C3: variants seen among roughly 807,000 people sequenced by gnomAD.
The protein encoded by C3 is complement C3.
In C3, 97 loss-of-function variants were observed where a neutral mutation model predicts 207.9. That is an observed-to-expected ratio of 0.47 (90% CI 0.40 to 0.55). C3 has a LOEUF of 0.55. C3 is among the 20% of genes least tolerant of loss of function. The probability of loss-of-function intolerance (pLI) is 0.00; values close to 1 mark genes in which losing one functional copy is unlikely to be tolerated. For missense variants in C3, 1,684 were observed against 2,171.7 expected, an observed-to-expected ratio of 0.78 and a Z score of 4.46; for synonymous variants, 848 against 857.6, an observed-to-expected ratio of 0.99 and a Z score of 0.20.
chr19:6,693,509 C>T (rs1211446125), intron 24 of C3, 22 bp from the exon 25 acceptor site: 4 of 1,605,882 alleles, frequency 2.5e-6, no homozygotes, highest in Non-Finnish European at 3.4e-6. Context: ...AGAGAGGAAC[C>T]CCCAAAAGAG....
At chr19:6,715,965 TTCTGTGGATAGTGTAC>T (rs1304563034) in intron 4 of C3, among the ~76,000 whole-genome samples, 1 of 151,958 alleles carries the variant, frequency 6.6e-6, no homozygotes, top group Non-Finnish European at 1.5e-5. Flanking sequence ...ACAAGGAAAT[TTCTGTGGATAGTGTAC>T]TCTGGTTAGC....
At chr19:6,697,935 T>C in intron 19 of C3, 141 bp from the exon 20 acceptor site, 1 of 699,396 alleles carries the variant, frequency 1.4e-6, no homozygotes, top group South Asian at 1.7e-5. Context: ...AACTAAACGC[T>C]GTCAATGGCG....
chr19:6,695,227 G>A (rs561530564), intron 23 of C3, among the ~76,000 whole-genome samples: 143 of 148,828 alleles, frequency 9.6e-4, no homozygotes, highest in Non-Finnish European at 1.6e-3. Flanking sequence ...CCGAGATCAC[G>A]CCACTGCACT....
chr19:6,706,290 G>A (rs1325177914), intron 17 of C3, among the ~76,000 whole-genome samples: 1 of 152,164 alleles, frequency 6.6e-6, no homozygotes, highest in African/African-American at 2.4e-5. Flanking sequence ...TGATGGGTGG[G>A]GCTGGGATGA....
chr19:6,717,434 G>C (rs960403090), intron 4 of C3: 1 of 171,650 alleles, frequency 5.8e-6, no homozygotes, highest in Non-Finnish European at 1.2e-5. Context: ...GTGTGTGTGC[G>C]CGCCATATGG....
chr19:6,712,771 G>T (rs1473819854), intron 9 of C3, 148 bp from the exon 10 acceptor site: 1 of 733,962 alleles, frequency 1.4e-6, no homozygotes, highest in Non-Finnish European at 2.4e-6. Context: ...CATCAGACTG[G>T]ACTCCACCTT....
At chr19:6,684,687 C>T in intron 31 of C3, 37 bp from the exon 32 acceptor site, 3 of 1,601,904 alleles carry the variant, frequency 1.9e-6, no homozygotes, top group South Asian at 1.1e-5. Flanking sequence ...TGTCAGCCCA[C>T]AGGACTAGGA....
chr19:6,692,935 G>T lies in C3; in HGVS notation c.3379C>A (p.Gln1127Lys). ...TCCCAGCCTCTTACAATCATTTCTT[G>T]GTGTATCACGGGCGCATCCTCCTGG... ...VFQEDAPVIH[Q>K]EMIGGLRNNN... The change falls in exon 26 of 41, where the codon CAA (glutamine) becomes AAA (lysine). Residue 1127 changes from glutamine (Q) to lysine (K), a missense_variant. Physicochemically the swap from Gln to Lys is moderately conservative, Grantham distance 53. Coordinates refer to ENST00000245907, the MANE Select transcript of C3 (RefSeq NM_000064.4). 1.2e-6 allele frequency: 2 copies of T among 1,613,974 alleles called. No homozygotes were observed. Among genetic ancestry groups the T allele is most frequent in the Non-Finnish European group, 8.5e-7 (1 of 1,179,992 alleles).
chr19:6,707,547 A>C lies in C3; in HGVS notation c.1976-10T>G. 6.2e-7 allele frequency: 1 copy of C among 1,613,990 alleles called. No homozygotes were observed. The highest frequency in any genetic ancestry group is 8.5e-7 in the Non-Finnish European group (1 of 1,179,922). On this transcript the variant is annotated splice_polypyrimidine_tract_variant and intron_variant, in intron 15 of 40. Coordinates refer to ENST00000245907, the MANE Select transcript of C3 (RefSeq NM_000064.4). ...TGCGGGCACTGAAGTTCTGCAGGGC[A>C]GGCGGACCGAGAAGAAGATGGATGA...
In C3 at chr19:6,700,178, G is replaced by C. The variant is rs375678626; in HGVS notation, c.2440+1949C>G. On this transcript the variant is annotated intron_variant, in intron 19 of 40. Coordinates refer to ENST00000245907, the MANE Select transcript of C3 (RefSeq NM_000064.4). Reference sequence around the variant, plus strand: ...TTATAAATTATAATACATATTATATGTTTACATAATATATTACATGTGTAA... The same window carrying C: ...TTATAAATTATAATACATATTATATCTTTACATAATATATTACATGTGTAA... Among the ~76,000 whole-genome samples the C allele has an allele frequency of 2.2e-3, 296 of 136,948 alleles. 1 individual carries two copies. Among genetic ancestry groups the C allele is most frequent in the Non-Finnish European group, 3.7e-3 (243 of 66,088 alleles). The allele number at this position is 136,948 out of a possible 152,430, so 89.8% of individuals were successfully genotyped here.
At chr19:6,696,770 G>T in intron 21 of C3, 111 bp from the exon 22 acceptor site, 2 of 1,078,642 alleles carry the variant, frequency 1.9e-6, no homozygotes, top group South Asian at 2.5e-5. Flanking sequence ...TGCCGGGCGC[G>T]GTGGCTCGTG....
At position 6,711,215 on chromosome 19, in the gene C3, A is replaced by C; in HGVS notation, c.1270-19T>G. ...TGCGCACCTGGGTGGGGAAAGAGGG[A>C]TGCCTGCTGGTCGCCGCCCGAGGAT... On this transcript the variant is annotated intron_variant, in intron 11 of 40. Coordinates refer to ENST00000245907, the MANE Select transcript of C3 (RefSeq NM_000064.4). The C allele has an allele frequency of 1.2e-6, 2 of 1,606,176 alleles. No individual in the cohort carries two copies. The highest frequency in any genetic ancestry group is 1.7e-6 in the Non-Finnish European group (2 of 1,177,312).
chr19:6,697,072 A>AT lies in C3; in HGVS notation c.2796+271dup, dbSNP rs1473502581. On this transcript the variant is annotated intron_variant, in intron 21 of 40. Transcript: ENST00000245907. ...AATAAACAAACAAATAAATAAATAAATAAAAAATTTCAAATCGAGTATAAA... is the reference window on the plus strand; with the variant it reads ...AATAAACAAACAAATAAATAAATAAATTAAAAAATTTCAAATCGAGTATAAA... Among the ~76,000 whole-genome samples, 151 of 79,698 alleles carry AT rather than the reference A, an allele frequency of 1.9e-3. 11 individuals are homozygous for AT. The highest frequency in any genetic ancestry group is 8.5e-3 in the African/African-American group (145 of 17,066). The allele number at this position is 79,698 out of a possible 152,430, so 52.3% of individuals were successfully genotyped here.
In C3 at chr19:6,694,555, G is replaced by A; in HGVS notation, c.3030C>T (p.Cys1010=). ...LKHLIVTPSG[C]GEQNMIGMTP... is the part of the protein sequence containing the mutation. Reference sequence around the variant, plus strand: ...TCATGCCGATCATGTTCTGTTCCCCGCAGCCCGAGGGGGTCACAATGAGGT... The same window carrying A: ...TCATGCCGATCATGTTCTGTTCCCCACAGCCCGAGGGGGTCACAATGAGGT... The change falls in exon 24 of 41, where the codon TGC becomes TGT. Residue 1010 remains cysteine, a synonymous_variant. Transcript: ENST00000245907. The A allele has an allele frequency of 6.2e-7, 1 of 1,614,022 alleles. No homozygotes were observed. The highest frequency in any genetic ancestry group is 8.5e-7 in the Non-Finnish European group (1 of 1,179,964).
At chr19:6,701,027 G>C (rs758664775) in intron 19 of C3, among the ~76,000 whole-genome samples, 1 of 151,938 alleles carries the variant, frequency 6.6e-6, no homozygotes, top group Non-Finnish European at 1.5e-5. Context: ...GAAATGAGCA[G>C]GCAGGGGAGC....
chr19:6,712,427 G>T, intron 10 of C3, 21 bp from the exon 11 acceptor site: 2 of 1,614,172 alleles, frequency 1.2e-6, no homozygotes, highest in South Asian at 2.2e-5. Flanking sequence ...GGGTGCAGGT[G>T]GGGGAAGTTC....
chr19:6,718,618 G>A (rs941896279), intron 2 of C3, among the ~76,000 whole-genome samples: 3 of 151,686 alleles, frequency 2.0e-5, no homozygotes, highest in Non-Finnish European at 4.4e-5. Context: ...GAGCTCACAA[G>A]GAGGAGAGAG....
rs189122685 is a variant in C3 at position 6,684,123 on chromosome 19, T to C, written c.4172+265A>G. 1.2e-4 allele frequency: 60 copies of C among 520,682 alleles called. No individual in the cohort carries two copies. The Admixed American group carries it at 1.6e-3, about 14-fold the overall frequency. The allele number at this position is 520,682 out of a possible 1,614,324, so 32.3% of individuals were successfully genotyped here. A position where few individuals can be genotyped will look rare whatever the true frequency, so the allele number is the denominator to read the frequency against. Reference sequence around the variant, plus strand: ...CTCTAAAAAGAAAAAAAGAAAACTTTAAAGGTCATGGAATGATTGTGTACT... The same window carrying C: ...CTCTAAAAAGAAAAAAAGAAAACTTCAAAGGTCATGGAATGATTGTGTACT... On this transcript the variant is annotated intron_variant, in intron 33 of 40. Transcript: ENST00000245907.
chr19:6,713,512 A>G lies in C3; in HGVS notation c.774-3T>C, dbSNP rs544022937. The G allele has an allele frequency of 1.2e-5, 19 of 1,609,198 alleles. No individual in the cohort carries two copies. In the South Asian group the frequency reaches 2.1e-4, roughly 18 times the overall value. On this transcript the variant is annotated splice_polypyrimidine_tract_variant and splice_region_variant and intron_variant, in intron 7 of 40. Coordinates refer to ENST00000245907, the MANE Select transcript of C3 (RefSeq NM_000064.4). ...CCACTTTCTTCCCGTAGAGGAACCTACGGGACAGACAAGGAGGGCTTCAGG... is the reference window on the plus strand; with the variant it reads ...CCACTTTCTTCCCGTAGAGGAACCTGCGGGACAGACAAGGAGGGCTTCAGG...
Sources: allele counts gnomAD v4.1 joint callset (sites outside exome capture counted in the v4.1 genomes callset), GRCh38; gene constraint gnomAD v4.1.1; transcripts MANE v1.5; gene names NCBI Gene and HGNC (gene_info 2026-07-23, HGNC 2026-07-21).